The following ADAMTS20 variants were observed in gnomAD, a reference collection of about 807,000 sequenced individuals.
ADAMTS20 encodes the protein A disintegrin and metalloproteinase with thrombospondin motifs 20.
ADAMTS20 carries 225 observed loss-of-function variants against 260.1 expected under a neutral mutation model. The ratio of observed to expected loss-of-function variants is 0.87; its 90% CI spans 0.78 to 0.97. ADAMTS20 has a LOEUF of 0.97. Among genes scored for constraint, ADAMTS20 ranks in the 50% least tolerant of loss-of-function variants. The probability of loss-of-function intolerance (pLI) is 0.00; values close to 1 mark genes in which losing one functional copy is unlikely to be tolerated. For missense variants in ADAMTS20, 2,400 were observed against 2,337.7 expected, an observed-to-expected ratio of 1.03 and a Z score of -0.55; for synonymous variants, 802 against 769.5, an observed-to-expected ratio of 1.04 and a Z score of -0.70.
intron 28 of ADAMTS20, chr12:43,423,503 A>G (rs1401552561): frequency 3.8e-6 from 2 of 532,222 alleles, no homozygotes; most frequent in Non-Finnish European, 6.6e-6. Context: ...AACAAATGCC[A>G]TTACAATTCA....
intron 3 of ADAMTS20, among the ~76,000 whole-genome samples, chr12:43,518,479 C>G (rs1488880940): frequency 6.6e-6 from 1 of 152,062 alleles, no homozygotes; most frequent in African/African-American, 2.4e-5. Context: ...TCCTCATCTC[C>G]CCAACTGCCA....
intron 23 of ADAMTS20, 38 bp from the exon 24 acceptor site, chr12:43,429,762 T>A: frequency 7.7e-7 from 1 of 1,302,496 alleles, no homozygotes; most frequent in South Asian, 1.4e-5. Context: ...AAACATTAAT[T>A]AATGACTGAT....
chr12:43,449,270 G>GT (rs541298856), intron 14 of ADAMTS20, among the ~76,000 whole-genome samples: 89 of 152,252 alleles, frequency 5.8e-4, no homozygotes, highest in African/African-American at 1.9e-3. Flanking sequence ...TAAAGAAAAT[G>GT]TGATACATAT....
chr12:43,507,292 G>C (rs988106407), intron 3 of ADAMTS20, among the ~76,000 whole-genome samples: 1 of 152,190 alleles, frequency 6.6e-6, no homozygotes, highest in Admixed American at 6.5e-5. Context: ...CAAAGCTTCA[G>C]CAAGAGATGC....
In ADAMTS20 at chr12:43,445,574, G is replaced by A. The variant is rs866853568; in HGVS notation, c.2197+1021C>T. 5.3e-5 allele frequency among the ~76,000 whole-genome samples: 8 copies of A among 152,182 alleles called. No individual in the cohort carries two copies. The South Asian group carries it at 1.2e-3, about 24-fold the overall frequency. On this transcript the variant is annotated intron_variant, in intron 15 of 38. Coordinates refer to ENST00000389420, the MANE Select transcript of ADAMTS20 (RefSeq NM_025003.5). ...GACTGTAAAAAATAGGCTAGGTGTG[G>A]TGGTTCATGCTTGTAATTTCAGGAC...
chr12:43,490,580 T>C (rs1288233434), intron 6 of ADAMTS20, 145 bp from the exon 7 acceptor site: 1 of 462,168 alleles, frequency 2.2e-6, no homozygotes, highest in Non-Finnish European at 3.9e-6. Flanking sequence ...TCTCAAAAAG[T>C]CTAAACCTAG....
intron 7 of ADAMTS20, 134 bp from the exon 8 acceptor site, chr12:43,468,839 A>G: frequency 1.9e-6 from 1 of 530,018 alleles, no homozygotes; most frequent in South Asian, 2.8e-5. Flanking sequence ...AATATTGAAT[A>G]AACGTTTTAA....
At chr12:43,428,596 A>T in intron 25 of ADAMTS20, 39 bp downstream of exon 25, 2 of 1,473,694 alleles carry the variant, frequency 1.4e-6, no homozygotes, top group Non-Finnish European at 1.8e-6. Context: ...AAATATATTT[A>T]AATTTTTCAT....
intron 7 of ADAMTS20, among the ~76,000 whole-genome samples, chr12:43,482,517 A>G (rs531864712): frequency 4.6e-5 from 7 of 152,312 alleles, no homozygotes. Context: ...GCCACCTCCC[A>G]GTGTAGATTC....
intron 2 of ADAMTS20, among the ~76,000 whole-genome samples, chr12:43,535,208 GA>G (rs1322287940): frequency 6.6e-6 from 1 of 152,108 alleles, no homozygotes; most frequent in Non-Finnish European, 1.5e-5. Flanking sequence ...AATAAGCAGT[GA>G]CCTATCCCTG....
rs149460886 is a variant in ADAMTS20, at chr12:43,427,322, C to T, written c.4093G>A (p.Gly1365Arg). 4.0e-4 allele frequency: 640 copies of T among 1,611,544 alleles called. 9 individuals carry two copies. In the East Asian group the frequency reaches 0.013, roughly 33 times the overall value. The change falls in exon 27 of 39, where the codon GGA becomes AGA. Residue 1365 changes from glycine to arginine, a missense_variant. By Grantham distance (125) the Gly-to-Arg change is moderately radical. Transcript: ENST00000389420. ...TTATGACTTACTTCTCCCCAATTTC[C>T]GTAGTTCCACTGTGGACAAGGCCCT... ...GPGPCPQWNYGNWGECSQTCG... is the reference protein window; with the variant it reads ...GPGPCPQWNYRNWGECSQTCG...
intron 3 of ADAMTS20, among the ~76,000 whole-genome samples, chr12:43,520,803 C>T (rs957133606): frequency 6.6e-6 from 1 of 152,148 alleles, no homozygotes; most frequent in African/African-American, 2.4e-5. Flanking sequence ...TTAATGGCAC[C>T]TTCTTCTCTG....
intron 29 of ADAMTS20, among the ~76,000 whole-genome samples, chr12:43,393,254 A>G (rs1215097246): frequency 6.6e-6 from 1 of 152,060 alleles, no homozygotes; most frequent in African/African-American, 2.4e-5. Flanking sequence ...TAATATAAGC[A>G]TGTCAAATTT....
rs1231031331 is a variant in ADAMTS20, at chr12:43,479,598, A to G, written c.1117+10797T>C. On this transcript the variant is annotated intron_variant, in intron 7 of 38. Transcript: ENST00000389420. ...TAATTCATGAAGCAGCAAATAAATC[A>G]TGATGGAATTTAAATATGATTTACA... Among the ~76,000 whole-genome samples the G allele has an allele frequency of 2.6e-5, 4 of 152,126 alleles. No homozygotes were observed. In the East Asian group the frequency reaches 7.7e-4, roughly 29 times the overall value.
At chr12:43,523,415 G>T (rs1943098132) in intron 3 of ADAMTS20, among the ~76,000 whole-genome samples, 1 of 151,944 alleles carries the variant, frequency 6.6e-6, no homozygotes, top group Non-Finnish European at 1.5e-5. Flanking sequence ...TGAATTTTGT[G>T]ATATAACCTC....
chr12:43,518,794 A>G (rs1943032295), intron 3 of ADAMTS20, among the ~76,000 whole-genome samples: 1 of 148,904 alleles, frequency 6.7e-6, no homozygotes, highest in Admixed American at 6.8e-5. Context: ...GTAAACGAGA[A>G]CTCCATCCTT....
At chr12:43,484,070 T>C (rs1309737211) in intron 7 of ADAMTS20, among the ~76,000 whole-genome samples, 1 of 152,096 alleles carries the variant, frequency 6.6e-6, no homozygotes, top group Admixed American at 6.5e-5. Flanking sequence ...AAGGAACTCA[T>C]ACTGAGTCCA....
intron 28 of ADAMTS20, among the ~76,000 whole-genome samples, chr12:43,422,411 T>G (rs1941253676): frequency 6.6e-6 from 1 of 152,144 alleles, no homozygotes; most frequent in African/African-American, 2.4e-5. Context: ...TATTCTGAAG[T>G]TTGTCTAATA....
chr12:43,470,155 TG>T (rs1942227899), intron 7 of ADAMTS20, among the ~76,000 whole-genome samples: 1 of 152,230 alleles, frequency 6.6e-6, no homozygotes, highest in Non-Finnish European at 1.5e-5. Flanking sequence ...AGTTGTTTAG[TG>T]GATCATCATC....
Sources: allele counts gnomAD v4.1 joint callset (sites outside exome capture counted in the v4.1 genomes callset), GRCh38; gene constraint gnomAD v4.1.1; transcripts MANE v1.5; gene names NCBI Gene and HGNC (gene_info 2026-07-23, HGNC 2026-07-21).